The following PREX2 variants were observed in gnomAD, a reference collection of about 807,000 sequenced individuals.
PREX2 encodes phosphatidylinositol-3,4,5-trisphosphate dependent Rac exchange factor 2.
Under a neutral mutation model 203.2 loss-of-function variants are expected in PREX2, and 107 were observed. The observed-to-expected ratio is 0.53, with a 90% confidence interval of 0.45 to 0.62. The LOEUF (loss-of-function observed/expected upper bound fraction) is 0.62, where lower values mean the gene tolerates loss of function less well. Among genes scored for constraint, PREX2 ranks in the 20% least tolerant of loss-of-function variants. The probability of loss-of-function intolerance (pLI) is 0.00; values close to 1 mark genes in which losing one functional copy is unlikely to be tolerated. For synonymous variants in PREX2, 672 were observed against 663.6 expected, an observed-to-expected ratio of 1.01 and a Z score of -0.19; for missense variants, 1,777 against 1,955.9, an observed-to-expected ratio of 0.91 and a Z score of 1.72.
intron 22 of PREX2, 73 bp downstream of exon 22, chr8:68,097,274 TA>T (rs1563543703): frequency 8.1e-6 from 10 of 1,239,894 alleles, no homozygotes; most frequent in South Asian, 7.8e-5. Flanking sequence ...CTCCTTCACT[TA>T]AAAAAATAAA....
chr8:68,093,864 A>G (rs1809971568), intron 21 of PREX2, 142 bp downstream of exon 21: 4 of 469,946 alleles, frequency 8.5e-6, no homozygotes, highest in South Asian at 6.1e-5. Context: ...TGTCAAATGC[A>G]TAAGTAATAA....
At chr8:68,124,168 A>T (rs972678444) in intron 30 of PREX2, among the ~76,000 whole-genome samples, 1 of 152,076 alleles carries the variant, frequency 6.6e-6, no homozygotes, top group Non-Finnish European at 1.5e-5. Context: ...AAATCATTCT[A>T]TCATAAAGAT....
At chr8:68,187,870 AGGCCTCTGG>A (rs1812221973) in intron 35 of PREX2, among the ~76,000 whole-genome samples, 1 of 152,214 alleles carries the variant, frequency 6.6e-6, no homozygotes, top group Non-Finnish European at 1.5e-5. Flanking sequence ...GGCTACACTG[AGGCCTCTGG>A]CCTGCTGGAC....
rs10107462 is a variant in PREX2, at chr8:67,964,790, T to G, written c.141+12255T>G. Among the ~76,000 whole-genome samples, 1,414 of 152,338 alleles carry G rather than the reference T, an allele frequency of 9.3e-3. 13 individuals are homozygous for G. The highest frequency in any genetic ancestry group is 0.015 in the Non-Finnish European group (1,009 of 68,032). The stretch of plus-strand genomic sequence containing the variant: ...TTATGTGTTAGGCACTGCATATTCA[T>G]TAACTCACGACTTAGAACTATCTTC... On this transcript the variant is annotated intron_variant, in intron 1 of 39. Coordinates refer to ENST00000288368, the MANE Select transcript of PREX2 (RefSeq NM_024870.4).
intron 5 of PREX2, among the ~76,000 whole-genome samples, chr8:68,028,238 C>A (rs544622909): frequency 2.1e-3 from 316 of 151,106 alleles, no homozygotes; most frequent in African/African-American, 7.5e-3. Context: ...TATATATATG[C>A]ATATATATAG....
intron 34 of PREX2, among the ~76,000 whole-genome samples, chr8:68,151,049 C>G (rs1189126408): frequency 6.6e-6 from 1 of 152,076 alleles, no homozygotes; most frequent in Non-Finnish European, 1.5e-5. Context: ...ATAGGGGCAC[C>G]AATCATTGGA....
chr8:68,200,373 T>C (rs923458965), intron 37 of PREX2, among the ~76,000 whole-genome samples: 8 of 152,110 alleles, frequency 5.3e-5, no homozygotes, highest in African/African-American at 1.4e-4. Flanking sequence ...CCCTTCATTA[T>C]AAATAAGTAC....
intron 35 of PREX2, among the ~76,000 whole-genome samples, chr8:68,188,886 G>C (rs1228241618): frequency 6.6e-6 from 1 of 152,060 alleles, no homozygotes; most frequent in Non-Finnish European, 1.5e-5. Flanking sequence ...AAAATGTCAA[G>C]TTATTATTTA....
intron 1 of PREX2, among the ~76,000 whole-genome samples, chr8:67,972,834 A>AT (rs1805963777): frequency 6.6e-6 from 1 of 152,196 alleles, no homozygotes; most frequent in South Asian, 2.1e-4. Context: ...TCCAGTGAAG[A>AT]TTTTGAATCC....
chr8:68,138,806 T>C (rs1811164012), intron 33 of PREX2, among the ~76,000 whole-genome samples: 1 of 152,198 alleles, frequency 6.6e-6, no homozygotes, highest in Admixed American at 6.5e-5. Context: ...TATCTATCAG[T>C]CTAAGAAATC....
intron 1 of PREX2, among the ~76,000 whole-genome samples, chr8:67,966,228 G>T (rs1388913625): frequency 6.6e-6 from 1 of 151,954 alleles, no homozygotes; most frequent in African/African-American, 2.4e-5. Flanking sequence ...TAGTCAGCTA[G>T]GATATTTGAA....
chr8:68,198,712 G>GTAGAAATTTGCA (rs1194043018), intron 37 of PREX2, among the ~76,000 whole-genome samples: 1 of 152,204 alleles, frequency 6.6e-6, no homozygotes, highest in Non-Finnish European at 1.5e-5. Context: ...GAACAAGTGA[G>GTAGAAATTTGCA]TAGAAATTTG....
At chr8:68,158,004 A>T (rs768096244) in intron 35 of PREX2, among the ~76,000 whole-genome samples, 39 of 151,620 alleles carry the variant, frequency 2.6e-4, no homozygotes, top group Admixed American at 5.3e-4. Context: ...AGTGAAAAGA[A>T]ATGTGTTATA....
At chr8:68,010,885 A>G (rs941761438) in intron 1 of PREX2, among the ~76,000 whole-genome samples, 2 of 152,194 alleles carry the variant, frequency 1.3e-5, no homozygotes, top group African/African-American at 4.8e-5. Flanking sequence ...GGTTTGGTGT[A>G]TCCCTGACCA....
chr8:67,993,536 A>G (rs972372008), intron 1 of PREX2, among the ~76,000 whole-genome samples: 2 of 151,540 alleles, frequency 1.3e-5, no homozygotes, highest in African/African-American at 4.9e-5. Context: ...CCTCCTAAGT[A>G]GCAGGGATTA....
chr8:68,075,108 T>C (rs1488912582), intron 14 of PREX2, among the ~76,000 whole-genome samples: 2 of 152,214 alleles, frequency 1.3e-5, no homozygotes, highest in Admixed American at 6.5e-5. Context: ...AAATAATGCC[T>C]TGCTTCTTCA....
rs771763123 is a variant in PREX2, at chr8:68,083,318, G to A, written c.1957G>A (p.Asp653Asn). 15 of 1,611,306 alleles carry A rather than the reference G, an allele frequency of 9.3e-6. No homozygotes were observed. The highest frequency in any genetic ancestry group is 1.3e-5 in the Non-Finnish European group (15 of 1,178,036). Residue 653 changes from aspartate to asparagine, a missense_variant, in exon 18 of 40, where the codon GAT becomes AAT. Transcript: ENST00000288368. ...LVFMRPFNEV[D>N]CFLKSCLNSR... is the part of the protein sequence containing the mutation. ...TTTTATGAGACCTTTCAATGAAGTG[G>A]ATTGCTTCCTGAAATCGTGTTTAAA...
chr8:68,043,291 C>T (rs1449901184), intron 7 of PREX2, among the ~76,000 whole-genome samples: 4 of 152,032 alleles, frequency 2.6e-5, no homozygotes, highest in Admixed American at 6.6e-5. Context: ...GACAAACTGT[C>T]CAGTCAGACT....
At chr8:68,184,717 T>G (rs1051619622) in intron 35 of PREX2, among the ~76,000 whole-genome samples, 2 of 152,246 alleles carry the variant, frequency 1.3e-5, no homozygotes, top group Admixed American at 6.5e-5. Context: ...ATCATCTCTC[T>G]TAAGAATTGG....
Sources: allele counts gnomAD v4.1 joint callset (sites outside exome capture counted in the v4.1 genomes callset), GRCh38; gene constraint gnomAD v4.1.1; transcripts MANE v1.5; gene names NCBI Gene and HGNC (gene_info 2026-07-23, HGNC 2026-07-21).